The following FAM227B variants were observed in gnomAD, a reference collection of about 807,000 sequenced individuals.
FAM227B encodes protein FAM227B.
In FAM227B, 88 loss-of-function variants were observed where a neutral mutation model predicts 73.8. The ratio of observed to expected loss-of-function variants is 1.19; its 90% confidence interval spans 1.00 to 1.42. FAM227B has a LOEUF of 1.42. FAM227B is among the 40% of genes most tolerant of loss of function. The pLI, the probability that FAM227B is intolerant of heterozygous loss-of-function variation, is 0.00. For missense variants in FAM227B, 632 were observed against 590.9 expected, an observed-to-expected ratio of 1.07 and a Z score of -0.72; for synonymous variants, 210 against 190.5, an observed-to-expected ratio of 1.10 and a Z score of -0.84.
At chr15:49,494,030 C>A (rs1233960081) in intron 11 of FAM227B, among the ~76,000 whole-genome samples, 3 of 151,832 alleles carry the variant, frequency 2.0e-5, no homozygotes, top group Non-Finnish European at 4.4e-5. Context: ...AGATTTGGAA[C>A]AAATGAGCCT....
chr15:49,422,934 C>T (rs2049813062), intron 11 of FAM227B, among the ~76,000 whole-genome samples: 1 of 152,152 alleles, frequency 6.6e-6, no homozygotes, highest in East Asian at 1.9e-4. Context: ...TTAAAAAACC[C>T]TATATATATG....
At chr15:49,578,374 C>T (rs549021117) in intron 5 of FAM227B, among the ~76,000 whole-genome samples, 58 of 152,262 alleles carry the variant, frequency 3.8e-4, no homozygotes, top group African/African-American at 1.3e-3. Flanking sequence ...GTCTACTACA[C>T]TGCTTTATAC....
intron 9 of FAM227B, among the ~76,000 whole-genome samples, chr15:49,546,735 GA>G (rs2071955634): frequency 9.2e-6 from 1 of 108,426 alleles, no homozygotes; most frequent in African/African-American, 3.2e-5. Context: ...AAGTTTAGAG[GA>G]AAAAGAATAA....
chr15:49,381,544 T>A (rs2046535411), intron 11 of FAM227B, among the ~76,000 whole-genome samples: 1 of 152,242 alleles, frequency 6.6e-6, no homozygotes, highest in Non-Finnish European at 1.5e-5. Flanking sequence ...TTTTTTGTTA[T>A]GTAAAATATT....
At position 49,588,096 on chromosome 15, in the gene FAM227B, A is replaced by AAGAATTC. The variant is rs576491479; in HGVS notation, c.338-20_338-14dup. 1.0e-5 allele frequency: 14 copies of AAGAATTC among 1,380,838 alleles called. No individual in the cohort carries two copies. The highest frequency in any genetic ancestry group is 1.3e-5 in the Non-Finnish European group (13 of 1,030,276). The allele number at this position is 1,380,838 out of a possible 1,614,324, so 85.5% of individuals were successfully genotyped here. ...TTTCTATAAGAACCTTTAAGAAAAT[A>AAGAATTC]AGAATTCACAGTATATATATTATAC... is the stretch of plus-strand genomic sequence containing the variant. On this transcript the variant is annotated splice_polypyrimidine_tract_variant and intron_variant, in intron 4 of 15. Coordinates refer to ENST00000299338, the MANE Select transcript of FAM227B (RefSeq NM_152647.3).
intron 11 of FAM227B, among the ~76,000 whole-genome samples, chr15:49,421,441 G>C (rs577798954): frequency 9.9e-5 from 15 of 152,258 alleles, no homozygotes; most frequent in East Asian, 3.9e-4. Flanking sequence ...GAGTGTAATA[G>C]CATCTAATGC....
chr15:49,448,647 AT>A (rs1405921935), intron 11 of FAM227B, among the ~76,000 whole-genome samples: 1 of 151,324 alleles, frequency 6.6e-6, no homozygotes, highest in Non-Finnish European at 1.5e-5. Context: ...AGCATATACT[AT>A]TTTTTGATGA....
At chr15:49,520,644 T>C (rs190891172) in intron 10 of FAM227B, among the ~76,000 whole-genome samples, 10 of 152,310 alleles carry the variant, frequency 6.6e-5, no homozygotes, top group African/African-American at 2.4e-4. Flanking sequence ...AGAGAGCATG[T>C]GCAGGCGGAG....
chr15:49,480,986 A>T (rs1387684235), intron 11 of FAM227B, among the ~76,000 whole-genome samples: 1 of 152,260 alleles, frequency 6.6e-6, no homozygotes, highest in Non-Finnish European at 1.5e-5. Context: ...GCCAGCAAAC[A>T]TTACAGATTC....
At chr15:49,362,453 A>G (rs2044407396) in intron 13 of FAM227B, among the ~76,000 whole-genome samples, 1 of 152,090 alleles carries the variant, frequency 6.6e-6, no homozygotes, top group Non-Finnish European at 1.5e-5. Context: ...TTCATAAATT[A>G]TCCAGGTTCA....
chr15:49,335,727 A>G (rs1455050559), intron 13 of FAM227B, among the ~76,000 whole-genome samples: 1 of 152,246 alleles, frequency 6.6e-6, no homozygotes. Flanking sequence ...ATAGGGCACT[A>G]TGATTTAATA....
At chr15:49,485,142 T>A (rs2056300165) in intron 11 of FAM227B, 1 of 152,280 alleles carries the variant, frequency 6.6e-6, no homozygotes, top group African/African-American at 2.4e-5. Flanking sequence ...GAACAAAATT[T>A]CTAATGCTGC....
chr15:49,395,993 G>C (rs537921689), intron 11 of FAM227B: 1 of 455,970 alleles, frequency 2.2e-6, no homozygotes. Context: ...GGGGCGAGGA[G>C]CCAAGATGGC....
intron 9 of FAM227B, among the ~76,000 whole-genome samples, chr15:49,553,493 G>T (rs550450417): frequency 6.6e-6 from 1 of 152,336 alleles, no homozygotes; most frequent in Non-Finnish European, 1.5e-5. Context: ...AGCCAGCCAG[G>T]CCTGTGTCCT....
chr15:49,423,912 C>A, intron 11 of FAM227B: 1 of 162,714 alleles, frequency 6.1e-6, no homozygotes, highest in East Asian at 1.7e-4. Context: ...TTAAATGTAT[C>A]TTCAAAGAAT....
rs567731802 is a variant in FAM227B at position 49,435,449 on chromosome 15, A to C, written c.1013-64050T>G. 5.3e-5 allele frequency among the ~76,000 whole-genome samples: 8 copies of C among 151,780 alleles called. No homozygotes were observed. The East Asian group carries it at 1.4e-3, about 26-fold the overall frequency. ...ACTCAGTAGTCAAGCAGCTGTGCAT[A>C]GTTTTATGCCCTCTAATTCATGAAG... On this transcript the variant is annotated intron_variant, in intron 11 of 15. Transcript: ENST00000299338.
intron 11 of FAM227B, among the ~76,000 whole-genome samples, chr15:49,376,496 G>C (rs980190871): frequency 2.0e-5 from 3 of 152,044 alleles, no homozygotes; most frequent in African/African-American, 7.2e-5. Flanking sequence ...CCTTATGCCA[G>C]TACCACATTG....
chr15:49,338,206 T>A (rs1596284947), intron 13 of FAM227B, among the ~76,000 whole-genome samples: 1 of 152,330 alleles, frequency 6.6e-6, no homozygotes, highest in East Asian at 1.9e-4. Flanking sequence ...CCGTTAATTA[T>A]GTAGTTTCTT....
intron 11 of FAM227B, among the ~76,000 whole-genome samples, chr15:49,465,933 A>G (rs865922930): frequency 2.0e-5 from 3 of 152,192 alleles, no homozygotes; most frequent in South Asian, 2.1e-4. Context: ...TCAAATACAA[A>G]TCCCTGTACC....
Sources: allele counts gnomAD v4.1 joint callset (sites outside exome capture counted in the v4.1 genomes callset), GRCh38; gene constraint gnomAD v4.1.1; transcripts MANE v1.5; gene names NCBI Gene and HGNC (gene_info 2026-07-23, HGNC 2026-07-21).